ORC3: variants seen among roughly 807,000 people sequenced by gnomAD.
ORC3 encodes homolog of latheo, Drosophila.
In ORC3, 78 loss-of-function variants were observed where a neutral mutation model predicts 100.7. That is an observed-to-expected ratio of 0.77 (90% CI 0.65 to 0.94). The LOEUF is 0.94. Ranked by LOEUF, ORC3 falls within the 40% of genes least tolerant of loss-of-function variation. The pLI, the probability that ORC3 is intolerant of heterozygous loss-of-function variation, is 0.00. For missense variants in ORC3, 789 were observed against 823.9 expected, an observed-to-expected ratio of 0.96 and a Z score of 0.52; for synonymous variants, 295 against 289.3, an observed-to-expected ratio of 1.02 and a Z score of -0.20.
chr6:87,629,013 A>G (rs990611035), intron 11 of ORC3, among the ~76,000 whole-genome samples: 4 of 152,202 alleles, frequency 2.6e-5, no homozygotes, highest in Admixed American at 2.6e-4. Context: ...CTGCTGAGGT[A>G]GGAATATGGA....
the ORC3 span, among the ~76,000 whole-genome samples, chr6:87,676,470 A>G: frequency 3.9e-4 from 43 of 110,112 alleles, no homozygotes; most frequent in Admixed American, 1.5e-3. Flanking sequence ...AAAAAAAAAA[A>G]ACGAGGCCGG....
chr6:87,628,063 G>A (rs953805223), intron 11 of ORC3, among the ~76,000 whole-genome samples: 2 of 152,196 alleles, frequency 1.3e-5, no homozygotes, highest in African/African-American at 4.8e-5. Context: ...TCAGTAATGA[G>A]TTTTTTAAAA....
chr6:87,602,883 A>T (rs1778010897), intron 3 of ORC3, among the ~76,000 whole-genome samples: 1 of 123,484 alleles, frequency 8.1e-6, no homozygotes. Context: ...CAAACCCTTT[A>T]ATGTCATATA....
chr6:87,675,070 T>G, the ORC3 span: 1 of 140,052 alleles, frequency 7.1e-6, no homozygotes, highest in Non-Finnish European at 1.5e-5. Context: ...AAAAAAAAAA[T>G]CATACAAACC....
intron 17 of ORC3, 56 bp downstream of exon 17, chr6:87,663,200 C>G: frequency 1.5e-6 from 2 of 1,355,472 alleles, no homozygotes; most frequent in Admixed American, 3.5e-5. Flanking sequence ...GCGTCATTGT[C>G]ATAAAAATAT....
At chr6:87,591,866 G>A (rs1478104056) in intron 1 of ORC3, among the ~76,000 whole-genome samples, 1 of 152,016 alleles carries the variant, frequency 6.6e-6, no homozygotes, top group East Asian at 1.9e-4. Context: ...CGGGCAGTTG[G>A]GATTACAGAC....
intron 11 of ORC3, 101 bp from the exon 12 acceptor site, chr6:87,634,742 CTT>C: frequency 1.5e-6 from 1 of 657,400 alleles, no homozygotes; most frequent in Non-Finnish European, 2.7e-6. Context: ...AGTTTTGAAT[CTT>C]GTCAGTTTTC....
At chr6:87,670,605 G>C (rs1330363132), downstream of ORC3, among the ~76,000 whole-genome samples, 1 of 152,182 alleles carries the variant, frequency 6.6e-6, no homozygotes. Flanking sequence ...TGTCCATTCT[G>C]TAATTCAGGA....
At position 87,657,946 on chromosome 6, in the gene ORC3, G is replaced by T; in HGVS notation, c.1619G>T (p.Arg540Ile). The T allele has an allele frequency of 3.8e-6, 6 of 1,584,592 alleles. No homozygotes were observed. Among genetic ancestry groups the T allele is most frequent in the Non-Finnish European group, 5.2e-6 (6 of 1,153,330 alleles). Residue 540 changes from arginine to isoleucine, a missense_variant, in exon 16 of 20, where the codon AGA becomes ATA. Physicochemically the swap from Arg to Ile is moderately conservative, Grantham distance 97. Coordinates refer to ENST00000392844, the MANE Select transcript of ORC3 (RefSeq NM_012381.4). ...TCCTTATTGGAAATGAAGGAGTTAAGAAGAAGTAAGAAGCAAACCAAATTT... is the reference window on the plus strand; with the variant it reads ...TCCTTATTGGAAATGAAGGAGTTAATAAGAAGTAAGAAGCAAACCAAATTT... ...QKSLLEMKELRRSKKQTKFEV... is the reference protein window; with the variant it reads ...QKSLLEMKELIRSKKQTKFEV...
intron 1 of ORC3, among the ~76,000 whole-genome samples, chr6:87,592,065 A>G (rs769527381): frequency 8.5e-5 from 13 of 152,062 alleles, no homozygotes; most frequent in Non-Finnish European, 1.6e-4. Context: ...TGTCTCTTTC[A>G]TCGTGAAATT....
chr6:87,624,869 G>T (rs1032364692), intron 11 of ORC3, among the ~76,000 whole-genome samples: 3 of 152,058 alleles, frequency 2.0e-5, no homozygotes, highest in Admixed American at 6.6e-5. Context: ...AACAGGCCCT[G>T]GTGTGTGATG....
chr6:87,626,613 C>G (rs1779915710), intron 11 of ORC3, among the ~76,000 whole-genome samples: 1 of 151,976 alleles, frequency 6.6e-6, no homozygotes, highest in South Asian at 2.1e-4. Context: ...TAGCAAAACC[C>G]CTTCTCTACT....
At chr6:87,639,291 A>G (rs1363030712) in intron 13 of ORC3, among the ~76,000 whole-genome samples, 1 of 152,194 alleles carries the variant, frequency 6.6e-6, no homozygotes, top group Non-Finnish European at 1.5e-5. Context: ...GTATGGCTGT[A>G]GACATCCCTC....
intron 9 of ORC3, 68 bp downstream of exon 9, chr6:87,616,495 C>A: frequency 1.4e-6 from 1 of 693,204 alleles, no homozygotes; most frequent in Non-Finnish European, 2.6e-6. Flanking sequence ...TTATTTCAGG[C>A]TGTCTAGTGT....
Position 87,636,390 on chromosome 6 carries a change from G to A in ORC3, c.1303-17G>A, listed in dbSNP as rs772675175. The A allele has an allele frequency of 5.7e-5, 89 of 1,555,052 alleles. 1 individual carries two copies. The highest frequency in any genetic ancestry group is 6.9e-5 in the Non-Finnish European group (78 of 1,128,774). ...TATACACTTTTGGTTCCTCACAAATGTGTTGTTCCCTTACAGATCAGAGAG... is the reference window on the plus strand; with the variant it reads ...TATACACTTTTGGTTCCTCACAAATATGTTGTTCCCTTACAGATCAGAGAG... On this transcript the variant is annotated splice_polypyrimidine_tract_variant and intron_variant, in intron 12 of 19. Transcript: ENST00000392844.
At position 87,663,045 on chromosome 6, in the gene ORC3, G is replaced by C. The variant is rs752232016; in HGVS notation, c.1734G>C (p.Val578=). The C allele has an allele frequency of 5.6e-6, 9 of 1,611,758 alleles. No individual in the cohort carries two copies. Among genetic ancestry groups the C allele is most frequent in the South Asian group, 1.1e-5 (1 of 90,990 alleles). ...LPPETQPLHE[V]VYFSAAHALR... ...CTGAGACACAGCCTCTCCATGAGGT[G>C]GTGTACTTCAGTGCTGCCCATGCCC... The change falls in exon 17 of 20, where the codon GTG becomes GTC. Residue 578 remains valine (V), a synonymous_variant. Coordinates refer to ENST00000392844, the MANE Select transcript of ORC3 (RefSeq NM_012381.4).
At chr6:87,648,482 T>G (rs111585705) in intron 13 of ORC3, among the ~76,000 whole-genome samples, 87 of 152,298 alleles carry the variant, frequency 5.7e-4, no homozygotes, top group African/African-American at 1.9e-3. Flanking sequence ...GTGCCTAATA[T>G]TCTACCACAG....
At chr6:87,676,472 C>T in the ORC3 span, among the ~76,000 whole-genome samples, 1 of 70,116 alleles carries the variant, frequency 1.4e-5, no homozygotes, top group Non-Finnish European at 2.8e-5. Flanking sequence ...AAAAAAAAAA[C>T]GAGGCCGGGC....
intron 17 of ORC3, 145 bp from the exon 18 acceptor site, chr6:87,664,598 A>G (rs1390241188): frequency 4.7e-6 from 3 of 636,482 alleles, no homozygotes; most frequent in Non-Finnish European, 8.3e-6. Context: ...CTAGCTAACT[A>G]TTGAATAGAC....
Sources: allele counts gnomAD v4.1 joint callset (sites outside exome capture counted in the v4.1 genomes callset), GRCh38; gene constraint gnomAD v4.1.1; transcripts MANE v1.5; gene names NCBI Gene and HGNC (gene_info 2026-07-23, HGNC 2026-07-21).